The following CCDC38 variants were observed in gnomAD, a reference collection of about 807,000 sequenced individuals.
CCDC38 encodes the protein coiled-coil domain-containing protein 38.
Under a neutral mutation model 72.8 loss-of-function variants are expected in CCDC38, and 69 were observed. The ratio of observed to expected loss-of-function variants is 0.95; its 90% CI spans 0.78 to 1.16. The LOEUF is 1.16. CCDC38 is among the 50% of genes most tolerant of loss of function. The pLI is 0.00. For missense variants in CCDC38, 626 were observed against 638.9 expected (o/e 0.98, Z 0.22); for synonymous variants, 201 against 213.2 (o/e 0.94, Z 0.50).
At chr12:95,875,836 ACTTT>A (rs1373989112) in intron 13 of CCDC38, among the ~76,000 whole-genome samples, 2 of 152,302 alleles carry the variant, frequency 1.3e-5, no homozygotes, top group South Asian at 2.1e-4. Flanking sequence ...CGTCAATTCT[ACTTT>A]CTTTCTTTAG....
intron 2 of CCDC38, among the ~76,000 whole-genome samples, chr12:95,922,701 A>C (rs1009600919): frequency 6.6e-6 from 1 of 152,154 alleles, no homozygotes; most frequent in African/African-American, 2.4e-5. Context: ...CAGCACATAC[A>C]ATTTTAGGCC....
Position 95,898,709 on chromosome 12 carries a change from T to A in CCDC38, c.392A>T (p.Asn131Ile). ...LLEYALSTKR[N>I]TIKKFEKDIA... ...GTCTTTTTCAAACTTTTTGATTGTG[T>A]TTCTTTTGGTTGACAAAGCATACTA... Residue 131 changes from asparagine to isoleucine, a missense_variant, in exon 6 of 16, where the codon AAC (asparagine) becomes ATC (isoleucine). Physicochemically the swap from Asn to Ile is moderately radical, Grantham distance 149 (BLOSUM62 -3). Transcript: ENST00000344280. The A allele has an allele frequency of 6.2e-7, 1 of 1,613,812 alleles. No individual in the cohort carries two copies. Among genetic ancestry groups the A allele is most frequent in the Non-Finnish European group, 8.5e-7 (1 of 1,179,938 alleles).
At chr12:95,871,046 C>T (rs998429165) in intron 14 of CCDC38, among the ~76,000 whole-genome samples, 6 of 152,228 alleles carry the variant, frequency 3.9e-5, no homozygotes, top group African/African-American at 1.2e-4. Context: ...ATGGTCTAAT[C>T]CCCAGGCTGG....
At chr12:95,897,732 T>G (rs59008489) in intron 7 of CCDC38, among the ~76,000 whole-genome samples, 3,643 of 152,150 alleles carry the variant, frequency 0.024, 157 homozygotes, top group African/African-American at 0.084. Context: ...CTCCAATGCT[T>G]TTTTCTCTTT....
intron 2 of CCDC38, among the ~76,000 whole-genome samples, chr12:95,929,296 G>A (rs992791614): frequency 3.9e-5 from 6 of 152,282 alleles, no homozygotes; most frequent in South Asian, 2.1e-4. Flanking sequence ...GGAGTGACCC[G>A]ATTTTCGAGG....
Position 95,936,522 on chromosome 12 carries a change from C to A in CCDC38, c.-13G>T. On this transcript the variant is annotated splice_region_variant and 5_prime_UTR_variant, in exon 2 of 16. Transcript: ENST00000344280. ...AATTTGAGGACATTTTCTTGCCTGGCCCTGTTGAAAGAAAAAAAAATACGT... is the reference window on the plus strand; with the variant it reads ...AATTTGAGGACATTTTCTTGCCTGGACCTGTTGAAAGAAAAAAAAATACGT... 6.3e-7 allele frequency: 1 copy of A among 1,597,188 alleles called. No individual in the cohort carries two copies. The highest frequency in any genetic ancestry group is 8.5e-7 in the Non-Finnish European group (1 of 1,175,798).
At chr12:95,901,318 A>C (rs764547784) in intron 5 of CCDC38, among the ~76,000 whole-genome samples, 1 of 152,200 alleles carries the variant, frequency 6.6e-6, no homozygotes, top group Non-Finnish European at 1.5e-5. Flanking sequence ...ACAGACTTGC[A>C]GGGGTAGGAA....
chr12:95,904,486 T>C (rs533618611), intron 5 of CCDC38, among the ~76,000 whole-genome samples: 2 of 152,348 alleles, frequency 1.3e-5, no homozygotes, highest in African/African-American at 2.4e-5. Context: ...AGAATATGCA[T>C]TGAAATCATC....
intron 2 of CCDC38, among the ~76,000 whole-genome samples, chr12:95,930,509 G>A (rs376595541): frequency 7.9e-5 from 12 of 152,096 alleles, no homozygotes; most frequent in African/African-American, 1.9e-4. Context: ...TGTCTGTATC[G>A]CAAATCTTCC....
rs17024847 is a variant in CCDC38 at position 95,918,670 on chromosome 12, G to A, written c.138+206C>T. Among the ~76,000 whole-genome samples the A allele has an allele frequency of 9.9e-3, 1,508 of 152,242 alleles. 25 individuals carry two copies. The highest frequency in any genetic ancestry group is 0.035 in the African/African-American group (1,443 of 41,524). ...TGCAGTGGTATATCTCTCTTCCTCC[G>A]TTAGGTGGCGATCTTTGTGCTGCCT... On this transcript the variant is annotated intron_variant, in intron 3 of 15. Coordinates refer to ENST00000344280, the MANE Select transcript of CCDC38 (RefSeq NM_182496.3).
chr12:95,872,395 A>G lies in CCDC38; in HGVS notation c.1344T>C (p.Ala448=). 1.2e-6 allele frequency: 2 copies of G among 1,614,176 alleles called. No homozygotes were observed. Among genetic ancestry groups the G allele is most frequent in the Non-Finnish European group, 1.7e-6 (2 of 1,180,008 alleles). The change falls in exon 14 of 16, where the codon GCT becomes GCC. Residue 448 remains alanine (A), a synonymous_variant. Coordinates refer to ENST00000344280, the MANE Select transcript of CCDC38 (RefSeq NM_182496.3). ...TQVYKVCIGD[A]EDDGLNPIQK... is the part of the protein sequence containing the mutation. ...GAATTGGGTTGAGGCCGTCATCCTC[A>G]GCATCTCCAATGCAGACTTTGTATA...
intron 5 of CCDC38, chr12:95,903,945 C>A (rs1038515196): frequency 1.3e-5 from 2 of 152,268 alleles, no homozygotes; most frequent in African/African-American, 4.8e-5. Context: ...TTTTTTGGAA[C>A]AGTGTGTATA....
Position 95,878,234 on chromosome 12 carries a change from C to G in CCDC38, c.1255G>C (p.Gly419Arg). 1 of 1,613,444 alleles carries G rather than the reference C, an allele frequency of 6.2e-7. No individual in the cohort carries two copies. The highest frequency in any genetic ancestry group is 8.5e-7 in the Non-Finnish European group (1 of 1,179,790). ...ACCTGAGCATCTGAATTAAATTCTC[C>G]AAAGCTAAAGAGCTTGGACTTTAAT... ...LQLKSKLFSF[G>R]EFNSDAQEIL... The change falls in exon 13 of 16, where the codon GGA becomes CGA. Residue 419 changes from glycine (G) to arginine (R), a missense_variant. Transcript: ENST00000344280.
chr12:95,875,052 G>T (rs988733960), intron 13 of CCDC38, among the ~76,000 whole-genome samples: 3 of 152,128 alleles, frequency 2.0e-5, no homozygotes, highest in Non-Finnish European at 1.5e-5. Flanking sequence ...GTTCAATGAA[G>T]AAGTAACAAC....
At chr12:95,931,438 T>C (rs2080338366) in intron 2 of CCDC38, among the ~76,000 whole-genome samples, 2 of 152,220 alleles carry the variant, frequency 1.3e-5, no homozygotes, top group South Asian at 4.1e-4. Flanking sequence ...ATTTACAGGT[T>C]CCAGGGATTA....
Position 95,898,602 on chromosome 12 carries a change from C to T in CCDC38, c.499G>A (p.Glu167Lys), listed in dbSNP as rs780190657. The T allele has an allele frequency of 8.7e-6, 14 of 1,614,046 alleles. No homozygotes were observed. The East Asian group carries it at 8.9e-5, about 10-fold the overall frequency. Residue 167 changes from glutamate to lysine, a missense_variant, in exon 6 of 16, where the codon GAA becomes AAA. By Grantham distance (56) the Glu-to-Lys change is moderately conservative (BLOSUM62 1). Transcript: ENST00000344280. ...GCGTCTACAGATCTCTGGTCATTTTCTCGAAGGAACTCTTCAAAGGCCAGT... is the reference window on the plus strand; with the variant it reads ...GCGTCTACAGATCTCTGGTCATTTTTTCGAAGGAACTCTTCAAAGGCCAGT... ...DALAFEEFLR[E>K]NDQRSVDALK...
At chr12:95,911,158 A>G (rs2080090228) in intron 4 of CCDC38, among the ~76,000 whole-genome samples, 1 of 152,188 alleles carries the variant, frequency 6.6e-6, no homozygotes, top group Non-Finnish European at 1.5e-5. Context: ...TTTTCAATAA[A>G]TGGTGCAGGG....
chr12:95,886,518 TA>T (rs1279275436), intron 10 of CCDC38, among the ~76,000 whole-genome samples: 1 of 151,626 alleles, frequency 6.6e-6, no homozygotes, highest in East Asian at 1.9e-4. Flanking sequence ...ATTAAGAGGA[TA>T]AAAAAGACAA....
At chr12:95,937,732 A>T (rs964521994) in intron 1 of CCDC38, among the ~76,000 whole-genome samples, 3 of 152,184 alleles carry the variant, frequency 2.0e-5, no homozygotes, top group Admixed American at 6.5e-5. Context: ...GACAAGCCTG[A>T]TTTTTGAATC....
Sources: gnomAD v4.1 joint callset for allele counts (sites outside exome capture counted in the v4.1 genomes callset) on GRCh38, gnomAD v4.1.1 for gene constraint, MANE v1.5 for transcripts, NCBI Gene and HGNC (gene_info 2026-07-23, HGNC 2026-07-21) for gene names.